The following XRRA1 variants were observed in gnomAD, a reference collection of about 807,000 sequenced individuals.
XRRA1 encodes X-ray radiation resistance associated 1.
Under a neutral mutation model 80.2 loss-of-function variants are expected in XRRA1, and 69 were observed. The observed-to-expected ratio is 0.86, with a 90% CI of 0.71 to 1.05. The LOEUF is 1.05. XRRA1 is among the 50% of genes least tolerant of loss of function. XRRA1 has a pLI of 0.00. For missense variants in XRRA1, 967 were observed against 976.4 expected, an observed-to-expected ratio of 0.99 and a Z score of 0.13; for synonymous variants, 348 against 389.9, an observed-to-expected ratio of 0.89 and a Z score of 1.27.
intron 3 of XRRA1, among the ~76,000 whole-genome samples, chr11:74,939,262 G>C (rs1945782183): frequency 2.0e-5 from 3 of 152,202 alleles, no homozygotes; most frequent in Non-Finnish European, 4.4e-5. Context: ...TGGGGCAGGA[G>C]AATCTCTTGA....
chr11:74,874,099 G>C (rs1312978550), intron 10 of XRRA1, among the ~76,000 whole-genome samples: 1 of 151,812 alleles, frequency 6.6e-6, no homozygotes, highest in Admixed American at 6.6e-5. Context: ...AGCTGGGCAT[G>C]GTGGCACACG....
intron 10 of XRRA1, chr11:74,876,453 G>A (rs773236068): frequency 1.3e-5 from 2 of 152,172 alleles, no homozygotes; most frequent in Non-Finnish European, 2.9e-5. Flanking sequence ...GGTTAAGCAT[G>A]TAACCTCCCT....
Position 74,841,361 on chromosome 11 carries a change from A to G in XRRA1, c.*1839T>C, listed in dbSNP as rs1353444062. The stretch of plus-strand genomic sequence containing the variant: ...AGAGATTTTCTTCTGAAGATGATCT[A>G]GGAAATGCATCTTTATACATGATTG... On this transcript the variant is annotated 3_prime_UTR_variant, in exon 19 of 19. Transcript: ENST00000684022. 6.6e-6 allele frequency: 1 copy of G among 152,218 alleles called. No homozygotes were observed. Among genetic ancestry groups the G allele is most frequent in the East Asian group, 1.9e-4 (1 of 5,200 alleles). The allele number at this position is 152,218 out of a possible 1,614,324, so 9.4% of individuals were successfully genotyped here. A position where few individuals can be genotyped will look rare whatever the true frequency, so the allele number is the denominator to read the frequency against.
chr11:74,845,270 A>C lies in XRRA1; in HGVS notation c.1730T>G (p.Val577Gly). The change falls in exon 16 of 19, where the codon GTG (valine) becomes GGG (glycine). Residue 577 changes from valine to glycine, a missense_variant and splice_region_variant. By Grantham distance (109) the Val-to-Gly change is moderately radical. Coordinates refer to ENST00000684022, the MANE Select transcript of XRRA1 (RefSeq NM_001378157.1). ...GATGACGGAGGAAGGCAGTTCACTC[A>C]CCTGTGCCCAGGAAGAAAACGCATT... The part of the protein sequence containing the change: ...KSTESIFLTQ[V>G]SELPSSVIHK... 1 of 1,610,296 alleles carries C rather than the reference A, an allele frequency of 6.2e-7. No individual in the cohort carries two copies. The highest frequency in any genetic ancestry group is 1.1e-5 in the South Asian group (1 of 90,674).
chr11:74,906,355 C>G lies in XRRA1; in HGVS notation c.887G>C (p.Gly296Ala). 10 of 1,613,990 alleles carry G rather than the reference C, an allele frequency of 6.2e-6. No individual in the cohort carries two copies. Among genetic ancestry groups the G allele is most frequent in the South Asian group, 1.1e-5 (1 of 91,076 alleles). Reference protein sequence around the residue: ...DESVDWNGGRGSPHKEPQFML... With the variant: ...DESVDWNGGRASPHKEPQFML... ...GAATTGGGGCTCTTTATGGGGACTT[C>G]CCCTGCCTCCATTCCAGTCTACTGA... The change falls in exon 10 of 19, where the codon GGA becomes GCA. Residue 296 changes from glycine to alanine, a missense_variant. Transcript: ENST00000684022.
chr11:74,906,163 A>G (rs1315037266), intron 10 of XRRA1, 76 bp downstream of exon 10: 12 of 1,389,638 alleles, frequency 8.6e-6, no homozygotes, highest in Non-Finnish European at 9.9e-6. Flanking sequence ...TGACCAAGTG[A>G]GACTTTCAGA....
chr11:74,909,676 TG>T (rs2055419103), intron 8 of XRRA1, among the ~76,000 whole-genome samples: 2 of 151,896 alleles, frequency 1.3e-5, no homozygotes, highest in Non-Finnish European at 2.9e-5. Flanking sequence ...GCCCCTCCTG[TG>T]GCAGTTTTGG....
At chr11:74,925,038 C>T (rs572284966) in intron 7 of XRRA1, among the ~76,000 whole-genome samples, 55 of 152,260 alleles carry the variant, frequency 3.6e-4, no homozygotes, top group African/African-American at 1.2e-3. Flanking sequence ...ATTCTAGCTG[C>T]TTTGGCTATT....
intron 10 of XRRA1, among the ~76,000 whole-genome samples, chr11:74,905,841 G>A (rs542182159): frequency 6.6e-6 from 1 of 152,220 alleles, no homozygotes; most frequent in East Asian, 1.9e-4. Context: ...AATTTCAGGT[G>A]TCAGGAGCAC....
chr11:74,948,125 C>CA (rs1489895386), intron 1 of XRRA1, among the ~76,000 whole-genome samples: 6 of 152,104 alleles, frequency 3.9e-5, no homozygotes, highest in African/African-American at 1.4e-4. Context: ...GTAAGAAACT[C>CA]AAAAATATTT....
chr11:74,942,979 A>G (rs1946643470), intron 2 of XRRA1, among the ~76,000 whole-genome samples: 1 of 152,244 alleles, frequency 6.6e-6, no homozygotes, highest in African/African-American at 2.4e-5. Flanking sequence ...CCCAGCATCC[A>G]GGGGAGGGGT....
intron 10 of XRRA1, among the ~76,000 whole-genome samples, chr11:74,891,073 T>C (rs1464757323): frequency 6.6e-6 from 1 of 152,218 alleles, no homozygotes; most frequent in Non-Finnish European, 1.5e-5. Context: ...ATCATCCTGA[T>C]ACCAAAGCCT....
At chr11:74,915,846 A>C (rs1027156266) in intron 8 of XRRA1, among the ~76,000 whole-genome samples, 1 of 152,076 alleles carries the variant, frequency 6.6e-6, no homozygotes, top group African/African-American at 2.4e-5. Context: ...GCAGGGCGGG[A>C]CTGGTGGTAA....
At chr11:74,856,913 G>T (rs1242067660) in intron 12 of XRRA1, among the ~76,000 whole-genome samples, 1 of 152,124 alleles carries the variant, frequency 6.6e-6, no homozygotes, top group Non-Finnish European at 1.5e-5. Context: ...TGTGGTTGGA[G>T]CAGGAAACCA....
At chr11:74,874,307 C>G (rs2045589440) in intron 10 of XRRA1, among the ~76,000 whole-genome samples, 2 of 149,026 alleles carry the variant, frequency 1.3e-5, no homozygotes, top group South Asian at 4.2e-4. Flanking sequence ...ACCTGAGAAC[C>G]TGAAGCTCAA....
chr11:74,897,655 CA>C (rs2052646731), intron 10 of XRRA1, among the ~76,000 whole-genome samples: 1 of 140,680 alleles, frequency 7.1e-6, no homozygotes, highest in Admixed American at 7.8e-5. Flanking sequence ...GGAGGCTTTT[CA>C]GTGGAAACCT....
chr11:74,865,941 G>A (rs530033679), intron 10 of XRRA1, among the ~76,000 whole-genome samples: 2 of 152,228 alleles, frequency 1.3e-5, no homozygotes, highest in African/African-American at 4.8e-5. Context: ...CCATCGCTCA[G>A]TGCTGAGATG....
Position 74,859,245 on chromosome 11 carries a change from G to A in XRRA1, c.1083C>T (p.Ile361=). 6.2e-7 allele frequency: 1 copy of A among 1,610,302 alleles called. No homozygotes were observed. The highest frequency in any genetic ancestry group is 8.5e-7 in the Non-Finnish European group (1 of 1,178,534). ...KICSLPPIFE[I]LPVKSLKARN... ...TGGCCTTCAGTGACTTCACAGGAAG[G>A]ATCTCGAATATGGGAGGAAGTGAAC... is the stretch of plus-strand genomic sequence containing the variant. The change falls in exon 12 of 19, where the codon ATC becomes ATT. Residue 361 remains isoleucine, a synonymous_variant. Transcript: ENST00000684022.
chr11:74,850,836 A>G (rs1044847816), intron 14 of XRRA1: 8 of 230,178 alleles, frequency 3.5e-5, no homozygotes, highest in Non-Finnish European at 2.6e-5. Flanking sequence ...CGCCTGGCCC[A>G]TAGCCATTCT....
Sources: allele counts gnomAD v4.1 joint callset (sites outside exome capture counted in the v4.1 genomes callset), GRCh38; gene constraint gnomAD v4.1.1; transcripts MANE v1.5; gene names NCBI Gene and HGNC (gene_info 2026-07-23, HGNC 2026-07-21).